TRABD2B: variants seen among roughly 807,000 people sequenced by gnomAD.
TRABD2B encodes the protein metalloprotease TIKI2.
A neutral mutation model predicts 40.1 loss-of-function variants in TRABD2B; 14 were observed. That is an observed-to-expected ratio of 0.35 (90% CI 0.23 to 0.55). The LOEUF (loss-of-function observed/expected upper bound fraction) is 0.55. Among genes scored for constraint, TRABD2B ranks in the 20% least tolerant of loss-of-function variants. The pLI, the probability that TRABD2B is intolerant of heterozygous loss-of-function variation, is 0.90. For missense variants in TRABD2B, 541 were observed against 648.6 expected (o/e 0.83, Z 1.80); for synonymous variants, 263 against 277.0 (o/e 0.95, Z 0.50).
chr1:47,891,348 A>C (rs1318669757), intron 2 of TRABD2B, among the ~76,000 whole-genome samples: 1 of 152,216 alleles, frequency 6.6e-6, no homozygotes, highest in East Asian at 1.9e-4. Flanking sequence ...AGCAGGGCGC[A>C]GAGACAGAGA....
Position 47,956,529 on chromosome 1 carries a change from T to C in TRABD2B, c.666+37505A>G, listed in dbSNP as rs532681515. Among the ~76,000 whole-genome samples the C allele has an allele frequency of 2.8e-4, 42 of 152,262 alleles. 1 individual carries two copies. The South Asian group carries it at 8.7e-3, about 32-fold the overall frequency. On this transcript the variant is annotated intron_variant, in intron 2 of 6. Coordinates refer to ENST00000606738, the MANE Select transcript of TRABD2B (RefSeq NM_001194986.2). ...CCCTAAGACTGTGCTTTTCCAATGG[T>C]CTTAGCAAACAGCACACCAGGAGAT...
chr1:47,783,745 G>C (rs554872012), intron 4 of TRABD2B, among the ~76,000 whole-genome samples: 12 of 152,340 alleles, frequency 7.9e-5, no homozygotes, highest in Admixed American at 5.2e-4. Flanking sequence ...AGGGCACAAG[G>C]CTCAGTGAGC....
chr1:47,803,466 G>A (rs757401647), intron 2 of TRABD2B, among the ~76,000 whole-genome samples: 36 of 152,140 alleles, frequency 2.4e-4, no homozygotes, highest in Non-Finnish European at 2.9e-5. Flanking sequence ...GCGCAGAGCC[G>A]TCCAGCGAAG....
intron 2 of TRABD2B, among the ~76,000 whole-genome samples, chr1:47,845,710 C>A (rs968071698): frequency 6.6e-6 from 1 of 152,142 alleles, no homozygotes; most frequent in Admixed American, 6.5e-5. Flanking sequence ...GCTTTAGATA[C>A]AAGGTATGTG....
At chr1:47,962,042 G>A (rs1645525355) in intron 2 of TRABD2B, among the ~76,000 whole-genome samples, 1 of 152,122 alleles carries the variant, frequency 6.6e-6, no homozygotes, top group Non-Finnish European at 1.5e-5. Context: ...CATAAAAAAT[G>A]ATGAGTTCAT....
rs562738896 is a variant in TRABD2B at position 47,778,350 on chromosome 1, G to A, written c.1079+104C>T. On this transcript the variant is annotated intron_variant, in intron 5 of 6. Transcript: ENST00000606738. ...GCCTTTCCATTCTTGCTTCCTGGTAGAGACCTGCCTCTGCCTCACCAGAAG... is the reference window on the plus strand; with the variant it reads ...GCCTTTCCATTCTTGCTTCCTGGTAAAGACCTGCCTCTGCCTCACCAGAAG... 18 of 821,360 alleles carry A rather than the reference G, an allele frequency of 2.2e-5. No homozygotes were observed. The East Asian group carries it at 2.4e-4, about 11-fold the overall frequency. The allele number at this position is 821,360 out of a possible 1,614,324, so 50.9% of individuals were successfully genotyped here. A position where few individuals can be genotyped will look rare whatever the true frequency, so the allele number is the denominator to read the frequency against.
chr1:47,876,864 G>A (rs967363670), intron 2 of TRABD2B, among the ~76,000 whole-genome samples: 6 of 152,156 alleles, frequency 3.9e-5, no homozygotes, highest in African/African-American at 1.4e-4. Flanking sequence ...TCATGCATTC[G>A]TTCATCCACT....
intron 5 of TRABD2B, among the ~76,000 whole-genome samples, chr1:47,777,248 G>A (rs1260475010): frequency 6.6e-6 from 1 of 152,206 alleles, no homozygotes; most frequent in African/African-American, 2.4e-5. Flanking sequence ...GAAACTTGAA[G>A]AAGGCTTTGT....
chr1:47,882,256 G>A (rs1644315685), intron 2 of TRABD2B, among the ~76,000 whole-genome samples: 1 of 152,184 alleles, frequency 6.6e-6, no homozygotes, highest in South Asian at 2.1e-4. Flanking sequence ...GCCGTTGCAT[G>A]GGACTTCACT....
chr1:47,776,665 T>C (rs548319798), intron 5 of TRABD2B, among the ~76,000 whole-genome samples: 5 of 152,242 alleles, frequency 3.3e-5, no homozygotes, highest in South Asian at 4.1e-4. Context: ...TGGGAGAAGG[T>C]TGGGAATGGT....
At chr1:47,943,126 G>GGGA (rs1645209365) in intron 2 of TRABD2B, among the ~76,000 whole-genome samples, 1 of 152,134 alleles carries the variant, frequency 6.6e-6, no homozygotes, top group African/African-American at 2.4e-5. Context: ...AAAAAATGGG[G>GGGA]ATAACACTGG....
chr1:47,797,721 G>GT (rs1283960840), intron 3 of TRABD2B, among the ~76,000 whole-genome samples: 1 of 152,134 alleles, frequency 6.6e-6, no homozygotes, highest in African/African-American at 2.4e-5. Context: ...TGAGTTCTGG[G>GT]TTTGGGCCAC....
chr1:47,839,928 G>A lies in TRABD2B; in HGVS notation c.667-38309C>T, dbSNP rs868657659. On this transcript the variant is annotated intron_variant, in intron 2 of 6. Transcript: ENST00000606738. Reference sequence around the variant, plus strand: ...GCTGTGTCTGGCTGCCCCCTCCATCGATGGCCAAGCTTGTTGCTGCCACTG... The same window carrying A: ...GCTGTGTCTGGCTGCCCCCTCCATCAATGGCCAAGCTTGTTGCTGCCACTG... 2.0e-5 allele frequency among the ~76,000 whole-genome samples: 3 copies of A among 152,280 alleles called. No individual in the cohort carries two copies. The South Asian group carries it at 6.2e-4, about 32-fold the overall frequency.
In TRABD2B at chr1:47,846,776, T is replaced by C. The variant is rs540179293; in HGVS notation, c.667-45157A>G. On this transcript the variant is annotated intron_variant, in intron 2 of 6. Coordinates refer to ENST00000606738, the MANE Select transcript of TRABD2B (RefSeq NM_001194986.2). ...AATGGGTGAACATCCATATAGATCA[T>C]CCACCTAGACTGGGAGTGATTCACA... 2.6e-5 allele frequency among the ~76,000 whole-genome samples: 4 copies of C among 151,842 alleles called. No individual in the cohort carries two copies. In the South Asian group the frequency reaches 8.3e-4, roughly 32 times the overall value.
chr1:47,990,379 A>G (rs557734793), intron 2 of TRABD2B, among the ~76,000 whole-genome samples: 2 of 152,246 alleles, frequency 1.3e-5, no homozygotes, highest in Admixed American at 1.3e-4. Flanking sequence ...GCTGATAGAA[A>G]TCTGCAGGTC....
chr1:47,863,024 A>C (rs1311218019), intron 2 of TRABD2B, among the ~76,000 whole-genome samples: 1 of 152,144 alleles, frequency 6.6e-6, no homozygotes, highest in Non-Finnish European at 1.5e-5. Context: ...TAAAATAATG[A>C]ATCTAGGCAC....
intron 2 of TRABD2B, among the ~76,000 whole-genome samples, chr1:47,931,728 C>T (rs1025148955): frequency 7.2e-5 from 11 of 152,176 alleles, no homozygotes; most frequent in African/African-American, 2.7e-4. Context: ...CCCGAGTGAA[C>T]TCTCAGGATG....
rs1178939587 is a variant in TRABD2B at position 47,763,095 on chromosome 1, G to A, written c.*2807C>T. ...TTTCTGGAAGAAATGTCAGTTAGTG[G>A]TGGATAGATCGTGTCAAAGGTGTGG... is the stretch of plus-strand genomic sequence containing the variant. On this transcript the variant is annotated 3_prime_UTR_variant, in exon 7 of 7. Coordinates refer to ENST00000606738, the MANE Select transcript of TRABD2B (RefSeq NM_001194986.2). 3.9e-5 allele frequency: 6 copies of A among 152,258 alleles called. No individual in the cohort carries two copies. The highest frequency in any genetic ancestry group is 5.9e-5 in the Non-Finnish European group (4 of 68,066). The allele number at this position is 152,258 out of a possible 1,614,324, so 9.4% of individuals were successfully genotyped here. A position where few individuals can be genotyped will look rare whatever the true frequency, so the allele number is the denominator to read the frequency against.
At chr1:47,977,595 A>C (rs1645775088) in intron 2 of TRABD2B, among the ~76,000 whole-genome samples, 1 of 152,036 alleles carries the variant, frequency 6.6e-6, no homozygotes, top group Non-Finnish European at 1.5e-5. Flanking sequence ...TGGAAGTCAC[A>C]GCAGGCAGAA....
Sources: allele counts gnomAD v4.1 joint callset (sites outside exome capture counted in the v4.1 genomes callset), GRCh38; gene constraint gnomAD v4.1.1; transcripts MANE v1.5; gene names NCBI Gene and HGNC (gene_info 2026-07-23, HGNC 2026-07-21).